Variants in BCAS3 observed in about 807,000 individuals in gnomAD.
BCAS3 encodes the protein BCAS4/BCAS3 fusion.
BCAS3 carries 53 observed loss-of-function variants against 116.1 expected under a neutral mutation model. The ratio of observed to expected loss-of-function variants is 0.46; its 90% confidence interval spans 0.37 to 0.57. The LOEUF (loss-of-function observed/expected upper bound fraction) is 0.57, where lower values mean the gene tolerates loss of function less well. Ranked by LOEUF, BCAS3 falls within the 20% of genes least tolerant of loss-of-function variation. The pLI is 0.00. For synonymous variants in BCAS3, 391 were observed against 408.2 expected, an observed-to-expected ratio of 0.96 and a Z score of 0.51; for missense variants, 917 against 1,165.4, an observed-to-expected ratio of 0.79 and a Z score of 3.10.
rs962353395 is a variant in BCAS3 at position 61,332,890 on chromosome 17, A to G, written c.2426-35437A>G. ...CTTGGCCTCCCAAAGTGCTGGGATT[A>G]TAGGCGTGAGCCATGGCACCCGGCC... On this transcript the variant is annotated intron_variant, in intron 22 of 23. Coordinates refer to ENST00000407086, the MANE Select transcript of BCAS3 (RefSeq NM_017679.5). The surrounding 1 kb of genome is among the most constrained non-coding windows in gnomAD (Gnocchi z 5.4). Among the ~76,000 whole-genome samples, 2 of 152,238 alleles carry G rather than the reference A, an allele frequency of 1.3e-5. No homozygotes were observed. Among genetic ancestry groups the G allele is most frequent in the African/African-American group, 2.4e-5 (1 of 41,470 alleles).
intron 6 of BCAS3, among the ~76,000 whole-genome samples, chr17:60,780,247 C>A (rs1307904465): frequency 6.6e-6 from 1 of 151,444 alleles, no homozygotes; most frequent in Non-Finnish European, 1.5e-5. Context: ...CTCGGCCTGC[C>A]AAAGTGCTTG....
Position 61,045,977 on chromosome 17 carries a change from TTA to T in BCAS3, c.2029+5095_2029+5096del, listed in dbSNP as rs1247798928. On this transcript the variant is annotated intron_variant, in intron 19 of 23. Coordinates refer to ENST00000407086, the MANE Select transcript of BCAS3 (RefSeq NM_017679.5). ...TAAATATATATATAATATATATATA[TTA>T]TATATATATTTATATATATATAATA... Among the ~76,000 whole-genome samples, 56 of 9,750 alleles carry T rather than the reference TTA, an allele frequency of 5.7e-3. 1 individual carries two copies. The highest frequency in any genetic ancestry group is 0.012 in the South Asian group (4 of 332). 6.4% of individuals were successfully genotyped at this position (9,750 alleles called of 152,430 possible). A position where few individuals can be genotyped will look rare whatever the true frequency, so the allele number is the denominator to read the frequency against.
chr17:60,757,394 A>G (rs557060116), intron 6 of BCAS3, among the ~76,000 whole-genome samples: 2,389 of 136,648 alleles, frequency 0.017, 37 homozygotes, highest in African/African-American at 0.034. Context: ...CAGCATGTAT[A>G]TGTGTGTGTG....
intron 22 of BCAS3, among the ~76,000 whole-genome samples, chr17:61,336,398 C>G (rs1189841340): frequency 6.6e-6 from 1 of 152,204 alleles, no homozygotes; most frequent in Non-Finnish European, 1.5e-5. Context: ...AACAGACAGC[C>G]TGCATTCTCT....
At chr17:60,932,767 A>G (rs927938456) in intron 13 of BCAS3, among the ~76,000 whole-genome samples, 1 of 148,800 alleles carries the variant, frequency 6.7e-6, no homozygotes, top group Non-Finnish European at 1.5e-5. Context: ...AAAAAAAAAA[A>G]GAATCGTCTC....
chr17:61,185,942 T>C (rs2079745450), intron 22 of BCAS3, among the ~76,000 whole-genome samples: 1 of 152,138 alleles, frequency 6.6e-6, no homozygotes, highest in South Asian at 2.1e-4. Context: ...AAATACTGAC[T>C]AAGAAAATAC....
In BCAS3 at chr17:61,239,118, GAGAC is replaced by G. The variant is rs2083284027; in HGVS notation, c.2426-129207_2426-129204del. ...GTAGGTTGGCATTCACAGTTCTCAG[GAGAC>G]AATCAGGTACTGATTTAGTGAGCTC... On this transcript the variant is annotated intron_variant, in intron 22 of 23. Transcript: ENST00000407086. The surrounding 1 kb of genome is among the most constrained non-coding windows in gnomAD (Gnocchi z 4.2). Among the ~76,000 whole-genome samples the G allele has an allele frequency of 6.6e-6, 1 of 152,116 alleles. No homozygotes were observed. Among genetic ancestry groups the G allele is most frequent in the African/African-American group, 2.4e-5 (1 of 41,432 alleles).
chr17:61,015,502 C>T lies in BCAS3; in HGVS notation c.1487-249C>T, dbSNP rs1372060762. Among the ~76,000 whole-genome samples the T allele has an allele frequency of 2.6e-5, 4 of 152,158 alleles. No individual in the cohort carries two copies. The South Asian group carries it at 8.3e-4, about 32-fold the overall frequency. On this transcript the variant is annotated intron_variant, in intron 15 of 23. Coordinates refer to ENST00000407086, the MANE Select transcript of BCAS3 (RefSeq NM_017679.5). ...ATGGGGTCTCACTCTGTTGCCCAGG[C>T]TGGCCTCAAACTCCTGGCCTCCTGC...
At chr17:61,350,233 G>A (rs1371169051) in intron 22 of BCAS3, among the ~76,000 whole-genome samples, 1 of 151,824 alleles carries the variant, frequency 6.6e-6, no homozygotes, top group Non-Finnish European at 1.5e-5. Flanking sequence ...TGGCCAACAT[G>A]GTGAAACCCC....
At chr17:61,085,390 A>G (rs1308387117) in intron 22 of BCAS3, among the ~76,000 whole-genome samples, 1 of 152,224 alleles carries the variant, frequency 6.6e-6, no homozygotes, top group Non-Finnish European at 1.5e-5. Flanking sequence ...TAGCGATTTC[A>G]AAATCCCTAG....
In BCAS3 at chr17:61,013,518, A is replaced by T. The variant is rs1239856771; in HGVS notation, c.1487-2233A>T. 6.6e-6 allele frequency among the ~76,000 whole-genome samples: 1 copy of T among 152,060 alleles called. No homozygotes were observed. On this transcript the variant is annotated intron_variant, in intron 15 of 23. Coordinates refer to ENST00000407086, the MANE Select transcript of BCAS3 (RefSeq NM_017679.5). This position sits in a 1 kb window ranked among gnomAD's most constrained non-coding sequence, Gnocchi z 4.4. ...AAGCAGTTTTTCTCATTTCTTCCAC[A>T]AATATAATATTTTAATGTGATTTCC...
At chr17:60,683,212 C>G (rs1388741387) in intron 2 of BCAS3, among the ~76,000 whole-genome samples, 1 of 152,128 alleles carries the variant, frequency 6.6e-6, no homozygotes, top group Admixed American at 6.6e-5. Context: ...GGACTAGGTT[C>G]ATAACCAATT....
intron 6 of BCAS3, among the ~76,000 whole-genome samples, chr17:60,753,567 G>A (rs62082872): frequency 2.0e-5 from 3 of 149,384 alleles, no homozygotes; most frequent in African/African-American, 2.4e-5. Context: ...CTGCCACCAC[G>A]CCCATCTAAT....
intron 6 of BCAS3, among the ~76,000 whole-genome samples, chr17:60,802,883 C>G (rs111401475): frequency 6.6e-6 from 1 of 152,198 alleles, no homozygotes; most frequent in Non-Finnish European, 1.5e-5. Context: ...TCCTAAAATG[C>G]TGAGATTACA....
rs1190251400 is a variant in BCAS3 at position 61,228,879 on chromosome 17, T to C, written c.2426-139448T>C. On this transcript the variant is annotated intron_variant, in intron 22 of 23. Transcript: ENST00000407086. This position sits in a 1 kb window ranked among gnomAD's most constrained non-coding sequence, Gnocchi z 5.0. ...CTCACTTTAAATCAAAAGCTAGAAATGATTAAGCTTAGTGAGAAAAGCATG... is the reference window on the plus strand; with the variant it reads ...CTCACTTTAAATCAAAAGCTAGAAACGATTAAGCTTAGTGAGAAAAGCATG... 6.6e-6 allele frequency among the ~76,000 whole-genome samples: 1 copy of C among 152,056 alleles called. No individual in the cohort carries two copies. The highest frequency in any genetic ancestry group is 1.5e-5 in the Non-Finnish European group (1 of 68,012).
chr17:60,905,354 A>G (rs2058133334), intron 11 of BCAS3, among the ~76,000 whole-genome samples: 1 of 152,202 alleles, frequency 6.6e-6, no homozygotes, highest in Non-Finnish European at 1.5e-5. Context: ...AACAGGAGAA[A>G]ATTATATGCT....
chr17:60,777,866 T>C (rs574346036), intron 6 of BCAS3, among the ~76,000 whole-genome samples: 9 of 152,236 alleles, frequency 5.9e-5, no homozygotes, highest in Non-Finnish European at 1.3e-4. Context: ...TTCTCTTTGT[T>C]GCTGCCTTTC....
At chr17:60,814,306 T>TGTGTGTGTGCGC (rs368289350) in intron 7 of BCAS3, among the ~76,000 whole-genome samples, 1 of 148,198 alleles carries the variant, frequency 6.7e-6, no homozygotes, top group African/African-American at 2.5e-5. Flanking sequence ...TGTGTGTGTG[T>TGTGTGTGTGCGC]GCGCGCGTGC....
intron 7 of BCAS3, among the ~76,000 whole-genome samples, chr17:60,821,321 T>C (rs2049946270): frequency 1.4e-5 from 2 of 141,942 alleles, no homozygotes; most frequent in South Asian, 4.2e-4. Context: ...GACTGCAGTG[T>C]GTGAGGTCAT....
Sources: allele counts gnomAD v4.1 joint callset (sites outside exome capture counted in the v4.1 genomes callset), GRCh38; gene constraint gnomAD v4.1.1; non-coding constraint Gnocchi (gnomAD v3.1); transcripts MANE v1.5; gene names NCBI Gene and HGNC (gene_info 2026-07-23, HGNC 2026-07-21).